FRMPD1: variants seen among roughly 807,000 people sequenced by gnomAD.
FRMPD1 encodes FERM and PDZ domain-containing protein 1.
In FRMPD1, 76 loss-of-function variants were observed where a neutral mutation model predicts 117.8. The observed-to-expected ratio is 0.65, with a 90% confidence interval of 0.54 to 0.78. The LOEUF is 0.78. Among genes scored for constraint, FRMPD1 ranks in the 30% least tolerant of loss-of-function variants. The pLI, the probability that FRMPD1 is intolerant of heterozygous loss-of-function variation, is 0.00. For synonymous variants in FRMPD1, 783 were observed against 770.4 expected (o/e 1.02, Z -0.27); for missense variants, 1,786 against 1,964.5 (o/e 0.91, Z 1.72).
intron 15 of FRMPD1, among the ~76,000 whole-genome samples, chr9:37,743,778 A>G (rs1824539803): frequency 6.6e-6 from 1 of 151,224 alleles, no homozygotes; most frequent in African/African-American, 2.4e-5. Flanking sequence ...CAATCCTATA[A>G]TCCAAGCACC....
At position 37,676,461 on chromosome 9, in the gene FRMPD1, G is replaced by A. The variant is rs368692821; in HGVS notation, c.-4-16177G>A. Reference sequence around the variant, plus strand: ...TGCTTAATTAGGGCTGAATTTCTGAGTTCCTGGGTCCTGCGGTTTTCGGCG... The same window carrying A: ...TGCTTAATTAGGGCTGAATTTCTGAATTCCTGGGTCCTGCGGTTTTCGGCG... On this transcript the variant is annotated intron_variant, in intron 1 of 15. Transcript: ENST00000377765. Among the ~76,000 whole-genome samples the A allele has an allele frequency of 2.3e-4, 35 of 152,246 alleles. 1 individual carries two copies. The highest frequency in any genetic ancestry group is 1.5e-3 in the East Asian group (8 of 5,184).
intron 9 of FRMPD1, 79 bp downstream of exon 9, chr9:37,731,182 G>A (rs1342312617): frequency 7.6e-6 from 10 of 1,312,678 alleles, no homozygotes; most frequent in South Asian, 7.2e-5. Context: ...ACGTGAGCTC[G>A]AGGCCATTAA....
chr9:37,619,429 T>C, the FRMPD1 span, among the ~76,000 whole-genome samples: 3 of 152,080 alleles, frequency 2.0e-5, no homozygotes, highest in Non-Finnish European at 4.4e-5. Flanking sequence ...GAGAGTTGTA[T>C]TAATATAGAA....
In FRMPD1 at chr9:37,745,647, T is replaced by C. The variant is rs773318166; in HGVS notation, c.3615T>C (p.Asp1205=). The C allele has an allele frequency of 6.2e-7, 1 of 1,614,128 alleles. No homozygotes were observed. The highest frequency in any genetic ancestry group is 2.2e-5 in the East Asian group (1 of 44,872). The part of the protein sequence containing the change: ...AQEQKLFVEL[D]LDPDFFLGKQ... Reference sequence around the variant, plus strand: ...AACAAAAACTATTCGTAGAGTTGGATTTAGACCCTGATTTCTTTCTTGGGA... The same window carrying C: ...AACAAAAACTATTCGTAGAGTTGGACTTAGACCCTGATTTCTTTCTTGGGA... The change falls in exon 16 of 16, where the codon GAT becomes GAC. Residue 1205 remains aspartate (D), a synonymous_variant. Transcript: ENST00000377765.
chr9:37,637,964 C>CTTCT, the FRMPD1 span, among the ~76,000 whole-genome samples: 50 of 32,150 alleles, frequency 1.6e-3, 8 homozygotes, highest in African/African-American at 4.6e-3. Context: ...ATGGTGTATG[C>CTTCT]TTTCTTTCTT....
chr9:37,629,074 C>T, the FRMPD1 span, among the ~76,000 whole-genome samples: 1 of 152,172 alleles, frequency 6.6e-6, no homozygotes, highest in African/African-American at 2.4e-5. Context: ...TGGCACATGC[C>T]TGTGGTCCCA....
rs780815633 is a variant in FRMPD1, at chr9:37,744,727, A to C, written c.2695A>C (p.Thr899Pro). 1.2e-6 allele frequency: 2 copies of C among 1,613,658 alleles called. No individual in the cohort carries two copies. The highest frequency in any genetic ancestry group is 1.7e-6 in the Non-Finnish European group (2 of 1,179,854). Residue 899 changes from threonine to proline, a missense_variant, in exon 16 of 16, where the codon ACC (threonine) becomes CCC (proline). Physicochemically the swap from Thr to Pro is conservative, Grantham distance 38. Coordinates refer to ENST00000377765, the MANE Select transcript of FRMPD1 (RefSeq NM_014907.3). ...DMQGEPGLLE[T>P]KALGLLAPLR... The stretch of plus-strand genomic sequence containing the variant: ...GCAGGGTGAGCCTGGCCTTCTGGAG[A>C]CCAAGGCCTTGGGGCTGCTGGCTCC...
chr9:37,704,653 G>A (rs1461991342), intron 2 of FRMPD1, among the ~76,000 whole-genome samples: 1 of 138,264 alleles, frequency 7.2e-6, no homozygotes, highest in Non-Finnish European at 1.6e-5. Context: ...AGGGTTGAGT[G>A]AGATATATAT....
At chr9:37,713,693 G>A (rs910401300) in intron 5 of FRMPD1, among the ~76,000 whole-genome samples, 1 of 151,922 alleles carries the variant, frequency 6.6e-6, no homozygotes, top group East Asian at 1.9e-4. Context: ...GTATATATAT[G>A]TATATAGTTT....
chr9:37,655,881 T>TA (rs1820828421), intron 1 of FRMPD1, among the ~76,000 whole-genome samples: 1 of 152,142 alleles, frequency 6.6e-6, no homozygotes, highest in Non-Finnish European at 1.5e-5. Context: ...GCATGTGCTT[T>TA]AGCCTTGGTG....
At chr9:37,632,079 G>A in the FRMPD1 span, among the ~76,000 whole-genome samples, 7 of 152,126 alleles carry the variant, frequency 4.6e-5, no homozygotes, top group East Asian at 1.9e-4. Flanking sequence ...TGGGCTATAC[G>A]GCATGTACAA....
At chr9:37,622,994 A>G in the FRMPD1 span, among the ~76,000 whole-genome samples, 1 of 152,244 alleles carries the variant, frequency 6.6e-6, no homozygotes, top group Non-Finnish European at 1.5e-5. Flanking sequence ...AAAATGACAT[A>G]TGATAAAATA....
intron 1 of FRMPD1, among the ~76,000 whole-genome samples, chr9:37,676,517 G>A (rs1160784959): frequency 1.3e-5 from 2 of 152,142 alleles, no homozygotes; most frequent in African/African-American, 2.4e-5. Context: ...TTCATTCACA[G>A]CTGTTGGTGC....
the FRMPD1 span, among the ~76,000 whole-genome samples, chr9:37,622,138 G>A: frequency 6.6e-6 from 1 of 152,176 alleles, no homozygotes; most frequent in Non-Finnish European, 1.5e-5. Context: ...AATGCCATGG[G>A]AGATTTCCTT....
chr9:37,729,504 C>G (rs1823768114), intron 7 of FRMPD1, among the ~76,000 whole-genome samples: 1 of 150,130 alleles, frequency 6.7e-6, no homozygotes, highest in African/African-American at 2.5e-5. Context: ...CCAAGTAAAG[C>G]AAGACAGGGT....
intron 5 of FRMPD1, 136 bp downstream of exon 5, chr9:37,711,531 G>A: frequency 1.4e-6 from 1 of 722,462 alleles, no homozygotes; most frequent in Non-Finnish European, 2.5e-6. Flanking sequence ...GCAGTGGGTG[G>A]CCAGTCAGTC....
intron 1 of FRMPD1, among the ~76,000 whole-genome samples, chr9:37,659,550 C>T (rs28584745): frequency 0.033 from 5,049 of 152,160 alleles, 284 homozygotes; most frequent in African/African-American, 0.12. Context: ...GGTTCTCAGA[C>T]GTAGGGAAGA....
the FRMPD1 span, among the ~76,000 whole-genome samples, chr9:37,620,911 A>T: frequency 6.6e-6 from 1 of 152,158 alleles, no homozygotes; most frequent in Non-Finnish European, 1.5e-5. Flanking sequence ...GCTTTCTGTT[A>T]AAAAAAGTGC....
rs767267038 is a variant in FRMPD1, at chr9:37,740,797, C to T, written c.2269C>T (p.His757Tyr). The T allele has an allele frequency of 9.9e-6, 16 of 1,614,004 alleles. No individual in the cohort carries two copies. The highest frequency in any genetic ancestry group is 2.2e-5 in the South Asian group (2 of 91,082). ...TTCCATGCTGGAACCCCTGGCCCTG[C>T]ACCCACCACTGGCCTTTGAGGATGG... Reference protein sequence around the residue: ...PSSMLEPLALHPPLAFEDGSS... With the variant: ...PSSMLEPLALYPPLAFEDGSS... The change falls in exon 15 of 16, where the codon CAC becomes TAC. Residue 757 changes from histidine (H) to tyrosine (Y), a missense_variant. Transcript: ENST00000377765. This position sits in a 1 kb window ranked among gnomAD's most constrained non-coding sequence, Gnocchi z 4.2.
Sources: gnomAD v4.1 joint callset for allele counts (sites outside exome capture counted in the v4.1 genomes callset) on GRCh38, gnomAD v4.1.1 for gene constraint, Gnocchi (gnomAD v3.1) non-coding constraint, MANE v1.5 for transcripts, NCBI Gene and HGNC (gene_info 2026-07-23, HGNC 2026-07-21) for gene names.